Variants in CAMK2G observed in about 807,000 individuals in gnomAD.
CAMK2G encodes calcium/calmodulin-dependent protein kinase type II subunit gamma.
Under a neutral mutation model 88.7 loss-of-function variants are expected in CAMK2G, and 23 were observed. The ratio of observed to expected loss-of-function variants is 0.26; its 90% confidence interval spans 0.19 to 0.37. The LOEUF is 0.37. CAMK2G is among the 10% of genes least tolerant of loss of function. The probability of loss-of-function intolerance (pLI) is 1.00; values close to 1 mark genes in which losing one functional copy is unlikely to be tolerated. For missense variants in CAMK2G, 476 were observed against 780.8 expected, an observed-to-expected ratio of 0.61 and a Z score of 4.65; for synonymous variants, 263 against 294.8, an observed-to-expected ratio of 0.89 and a Z score of 1.11.
intron 21 of CAMK2G, among the ~76,000 whole-genome samples, chr10:73,815,483 G>A (rs758542253): frequency 6.6e-6 from 1 of 151,198 alleles, no homozygotes; most frequent in Non-Finnish European, 1.5e-5. Context: ...AGTACCTGCT[G>A]CGCTTTTAAT....
Position 73,848,951 on chromosome 10 carries a change from G to T in CAMK2G, c.517+62C>A. On this transcript the variant is annotated intron_variant, in intron 7 of 22. Transcript: ENST00000423381. The surrounding 1 kb of genome is among the most constrained non-coding windows in gnomAD (Gnocchi z 4.5). ...CTGGCTTCTAGTTCTAATAGAGGAA[G>T]GCAGATCAGGAAGAGGAGGAAGGGC... 1 of 1,040,910 alleles carries T rather than the reference G, an allele frequency of 9.6e-7. No homozygotes were observed. The highest frequency in any genetic ancestry group is 1.5e-6 in the Non-Finnish European group (1 of 657,128). 64.5% of individuals were successfully genotyped at this position (1,040,910 alleles called of 1,614,324 possible). A position where few individuals can be genotyped will look rare whatever the true frequency, so the allele number is the denominator to read the frequency against.
chr10:73,834,271 A>G (rs1291103901), intron 14 of CAMK2G, among the ~76,000 whole-genome samples: 1 of 152,226 alleles, frequency 6.6e-6, no homozygotes, highest in East Asian at 1.9e-4. Flanking sequence ...CAATAAAAAT[A>G]TTAACCCCTC....
chr10:73,849,254 G>T lies in CAMK2G; in HGVS notation c.414+7C>A. 1 of 1,611,422 alleles carries T rather than the reference G, an allele frequency of 6.2e-7. No individual in the cohort carries two copies. The highest frequency in any genetic ancestry group is 8.5e-7 in the Non-Finnish European group (1 of 1,177,538). The stretch of plus-strand genomic sequence containing the variant: ...AGCAGAGGCACGGAGGGGAGCCTGG[G>T]TAGTACCTTCAGGTCCCTGTGGACG... On this transcript the variant is annotated splice_region_variant and intron_variant, in intron 6 of 22. Coordinates refer to ENST00000423381, the MANE Select transcript of CAMK2G (RefSeq NM_001367534.1).
intron 14 of CAMK2G, among the ~76,000 whole-genome samples, chr10:73,832,542 T>C (rs2092618315): frequency 6.6e-6 from 1 of 152,128 alleles, no homozygotes. Flanking sequence ...CCTGACCTCG[T>C]GATCTGTCTG....
chr10:73,847,873 C>A, intron 9 of CAMK2G, 115 bp downstream of exon 9: 2 of 599,562 alleles, frequency 3.3e-6, no homozygotes. Flanking sequence ...CCTCAAAGTC[C>A]CCTGACACCC....
intron 2 of CAMK2G, among the ~76,000 whole-genome samples, chr10:73,872,125 G>A (rs1011515475): frequency 2.0e-5 from 3 of 152,182 alleles, no homozygotes; most frequent in African/African-American, 7.2e-5. Flanking sequence ...TGTTCCCAGA[G>A]CACTTCACAC....
intron 19 of CAMK2G, 65 bp downstream of exon 19, chr10:73,819,467 G>T (rs1589789959): frequency 7.1e-6 from 8 of 1,130,098 alleles, no homozygotes; most frequent in South Asian, 1.3e-5. Context: ...TGTGGTGGGG[G>T]TCCCTGAGGG....
intron 3 of CAMK2G, among the ~76,000 whole-genome samples, chr10:73,859,931 G>A (rs1020396279): frequency 7.9e-5 from 12 of 152,340 alleles, no homozygotes; most frequent in South Asian, 4.1e-4. Flanking sequence ...CAGAGCAGGC[G>A]ACCTCTGGGG....
At chr10:73,829,633 T>C (rs2092008964) in intron 14 of CAMK2G, among the ~76,000 whole-genome samples, 1 of 151,856 alleles carries the variant, frequency 6.6e-6, no homozygotes, top group Non-Finnish European at 1.5e-5. Context: ...TCAAATATGA[T>C]ATTTTACTTC....
chr10:73,860,763 G>T, intron 3 of CAMK2G, 67 bp downstream of exon 3: 1 of 1,137,832 alleles, frequency 8.8e-7, no homozygotes, highest in Non-Finnish European at 1.3e-6. Flanking sequence ...ACACACAAAA[G>T]CAGTGGATAT....
chr10:73,821,843 G>C, intron 17 of CAMK2G, 113 bp from the exon 18 acceptor site: 1 of 844,328 alleles, frequency 1.2e-6, no homozygotes. Flanking sequence ...GAGGAATTGT[G>C]GAAGGTTCTG....
chr10:73,823,989 C>G (rs1029421718), intron 17 of CAMK2G, 51 bp downstream of exon 17: 1 of 1,483,762 alleles, frequency 6.7e-7, no homozygotes, highest in Non-Finnish European at 9.4e-7. Flanking sequence ...ACCCAGCCCA[C>G]CTGTCTCCTG....
At chr10:73,873,652 CTCCCCT>C (rs2095933069) in intron 1 of CAMK2G, 1 of 390,468 alleles carries the variant, frequency 2.6e-6, no homozygotes, top group South Asian at 1.1e-4. Flanking sequence ...ACATCAAGAA[CTCCCCT>C]TCCCATGCTA....
chr10:73,851,777 G>A (rs913765968), intron 5 of CAMK2G, among the ~76,000 whole-genome samples: 1 of 150,120 alleles, frequency 6.7e-6, no homozygotes, highest in African/African-American at 2.5e-5. Flanking sequence ...ACATAGTCTC[G>A]CTCTGTTACG....
In CAMK2G at chr10:73,873,164, T is replaced by C. The variant is rs1057050726; in HGVS notation, c.66-81A>G. The C allele has an allele frequency of 4.8e-5, 51 of 1,066,804 alleles. No individual in the cohort carries two copies. In the Admixed American group the frequency reaches 6.3e-4, roughly 13 times the overall value. 66.1% of individuals were successfully genotyped at this position (1,066,804 alleles called of 1,614,324 possible). ...CACACTTCAAGTCTGGGGACGATGA[T>C]GCTCCCACCACCAGACCTCTAGTCA... On this transcript the variant is annotated intron_variant, in intron 1 of 22. Coordinates refer to ENST00000423381, the MANE Select transcript of CAMK2G (RefSeq NM_001367534.1).
chr10:73,825,357 G>C lies in CAMK2G; in HGVS notation c.1087-10C>G. On this transcript the variant is annotated splice_polypyrimidine_tract_variant and intron_variant, in intron 15 of 22. Coordinates refer to ENST00000423381, the MANE Select transcript of CAMK2G (RefSeq NM_001367534.1). The stretch of plus-strand genomic sequence containing the variant: ...TGTTGTTGCTCTGTGGCTGAGACAA[G>C]AAAACAGATGGTTTAGTTCCTCCAG... The C allele has an allele frequency of 6.2e-6, 10 of 1,611,346 alleles. No individual in the cohort carries two copies. Among genetic ancestry groups the C allele is most frequent in the Non-Finnish European group, 7.6e-6 (9 of 1,177,430 alleles).
At chr10:73,861,567 G>A (rs529047745) in intron 2 of CAMK2G, among the ~76,000 whole-genome samples, 18 of 152,246 alleles carry the variant, frequency 1.2e-4, no homozygotes, top group Admixed American at 5.9e-4. Context: ...CGTTGGCCAG[G>A]TTGGTCTCGA....
intron 2 of CAMK2G, 117 bp downstream of exon 2, chr10:73,872,872 A>G: frequency 1.3e-6 from 1 of 770,046 alleles, no homozygotes; most frequent in Non-Finnish European, 2.4e-6. Context: ...CCAGTCTGAA[A>G]TTCCAACTCC....
Position 73,873,084 on chromosome 10 carries a change from CT to C in CAMK2G, c.66-2del. The C allele has an allele frequency of 6.2e-7, 1 of 1,604,422 alleles. No homozygotes were observed. The highest frequency in any genetic ancestry group is 8.5e-7 in the Non-Finnish European group (1 of 1,171,338). Reference sequence around the variant, plus strand: ...CCTGCGGACCACAGAGAAAGCACCCCTGGAGGGAGAAGGGGAAAAGAACTGG... The same window carrying C: ...CCTGCGGACCACAGAGAAAGCACCCCGGAGGGAGAAGGGGAAAAGAACTGG... On this transcript the variant is annotated splice_acceptor_variant, in intron 1 of 22. Coordinates refer to ENST00000423381, the MANE Select transcript of CAMK2G (RefSeq NM_001367534.1). LOFTEE classifies it high-confidence loss of function.
Sources: allele counts gnomAD v4.1 joint callset (sites outside exome capture counted in the v4.1 genomes callset), GRCh38; gene constraint gnomAD v4.1.1; non-coding constraint Gnocchi (gnomAD v3.1); transcripts MANE v1.5; gene names NCBI Gene and HGNC (gene_info 2026-07-23, HGNC 2026-07-21).